GALNT1: variants seen among roughly 807,000 people sequenced by gnomAD.
The protein encoded by GALNT1 is polypeptide N-acetylgalactosaminyltransferase 1, also known as GalNAc transferase 1.
A neutral mutation model predicts 65.7 loss-of-function variants in GALNT1; 17 were observed. The ratio of observed to expected loss-of-function variants is 0.26; its 90% CI spans 0.18 to 0.39. The LOEUF (loss-of-function observed/expected upper bound fraction) is 0.39. GALNT1 is among the 10% of genes least tolerant of loss of function. GALNT1 has a pLI of 1.00. For missense variants in GALNT1, 460 were observed against 672.8 expected, an observed-to-expected ratio of 0.68 and a Z score of 3.50; for synonymous variants, 210 against 219.7, an observed-to-expected ratio of 0.96 and a Z score of 0.39.
At chr18:35,651,961 A>C (rs931514368) in intron 1 of GALNT1, among the ~76,000 whole-genome samples, 1 of 152,086 alleles carries the variant, frequency 6.6e-6, no homozygotes, top group South Asian at 2.1e-4. Flanking sequence ...TTTGATGACA[A>C]TTGCAAACAT....
Position 35,703,537 on chromosome 18 carries a change from T to G in GALNT1, c.1427T>G (p.Ile476Ser). The part of the protein sequence containing the change: ...QVFSYTANKE[I>S]RTDDLCLDVS... ...TTCTCTTATACTGCCAACAAAGAAATTAGAACAGATGACCTTTGCTTGGAT... is the reference window on the plus strand; with the variant it reads ...TTCTCTTATACTGCCAACAAAGAAAGTAGAACAGATGACCTTTGCTTGGAT... Residue 476 changes from isoleucine to serine, a missense_variant, in exon 11 of 12, where the codon ATT becomes AGT. Transcript: ENST00000269195. 6.2e-7 allele frequency: 1 copy of G among 1,613,926 alleles called. No individual in the cohort carries two copies. Among genetic ancestry groups the G allele is most frequent in the Non-Finnish European group, 8.5e-7 (1 of 1,179,866 alleles).
In GALNT1 at chr18:35,687,166, T is replaced by C. The variant is rs1296773143; in HGVS notation, c.840T>C (p.Gly280=). The change falls in exon 6 of 12, where the codon GGT becomes GGC. Residue 280 remains glycine, a synonymous_variant. Coordinates refer to ENST00000269195, the MANE Select transcript of GALNT1 (RefSeq NM_020474.4). ...VPQREMDRRK[G]DRTLPVRTPT... The stretch of plus-strand genomic sequence containing the variant: ...AAAGAGAAATGGACAGAAGGAAAGG[T>C]GATCGGACTCTTCCTGTCAGGTAAT... The C allele has an allele frequency of 1.2e-6, 2 of 1,613,148 alleles. No individual in the cohort carries two copies. The highest frequency in any genetic ancestry group is 1.7e-6 in the Non-Finnish European group (2 of 1,179,642).
intron 4 of GALNT1, 45 bp downstream of exon 4, chr18:35,677,802 C>A: frequency 7.0e-7 from 1 of 1,423,734 alleles, no homozygotes; most frequent in South Asian, 1.3e-5. Context: ...CACCTTTTGT[C>A]ACTAACGGTT....
intron 1 of GALNT1, among the ~76,000 whole-genome samples, chr18:35,647,818 G>T (rs997187063): frequency 6.6e-6 from 1 of 151,990 alleles, no homozygotes; most frequent in Non-Finnish European, 1.5e-5. Flanking sequence ...AAATATGAGG[G>T]GTAGGAGAAA....
chr18:35,678,884 T>A (rs1469423444), intron 4 of GALNT1, among the ~76,000 whole-genome samples: 1 of 152,212 alleles, frequency 6.6e-6, no homozygotes, highest in Non-Finnish European at 1.5e-5. Context: ...TTTGGAGTAA[T>A]TAATACAATA....
intron 1 of GALNT1, among the ~76,000 whole-genome samples, chr18:35,584,506 A>G: frequency 6.6e-6 from 1 of 152,094 alleles, no homozygotes; most frequent in East Asian, 1.9e-4. Flanking sequence ...ATAATGGAGG[A>G]AGAGGAGTGC....
At chr18:35,614,026 T>C (rs557734895) in intron 1 of GALNT1, among the ~76,000 whole-genome samples, 3 of 152,166 alleles carry the variant, frequency 2.0e-5, no homozygotes, top group Non-Finnish European at 2.9e-5. Flanking sequence ...GCATTCACAA[T>C]TTAAAAAACC....
Position 35,654,788 on chromosome 18 carries a change from T to C in GALNT1, c.126T>C (p.Leu42=), listed in dbSNP as rs2047358940. 3.2e-6 allele frequency: 5 copies of C among 1,553,786 alleles called. No individual in the cohort carries two copies. The highest frequency in any genetic ancestry group is 1.4e-5 in the African/African-American group (1 of 72,744). ...NKCDEKKERG[L]PAGDVLEPVQ... is the part of the protein sequence containing the mutation. Reference sequence around the variant, plus strand: ...GTGATGAAAAAAAGGAGAGAGGACTTCCTGCTGGAGATGGTGAGTGACATT... The same window carrying C: ...GTGATGAAAAAAAGGAGAGAGGACTCCCTGCTGGAGATGGTGAGTGACATT... The change falls in exon 2 of 12, where the codon CTT becomes CTC. Residue 42 remains leucine (L), a synonymous_variant. Coordinates refer to ENST00000269195, the MANE Select transcript of GALNT1 (RefSeq NM_020474.4).
intron 1 of GALNT1, among the ~76,000 whole-genome samples, chr18:35,617,818 A>T (rs1435336482): frequency 6.6e-6 from 1 of 152,154 alleles, no homozygotes; most frequent in African/African-American, 2.4e-5. Context: ...TGATTTGTAG[A>T]TTCAAAACTC....
chr18:35,594,882 T>A (rs2046486595), intron 1 of GALNT1, among the ~76,000 whole-genome samples: 1 of 152,130 alleles, frequency 6.6e-6, no homozygotes, highest in Admixed American at 6.5e-5. Context: ...AGGTTGGTGT[T>A]GAGACTCGAG....
rs1380674434 is a variant in GALNT1, at chr18:35,687,178, T to G, written c.852T>G (p.Leu284=). The change falls in exon 6 of 12, where the codon CTT becomes CTG. Residue 284 remains leucine, a synonymous_variant. Coordinates refer to ENST00000269195, the MANE Select transcript of GALNT1 (RefSeq NM_020474.4). Reference sequence around the variant, plus strand: ...ACAGAAGGAAAGGTGATCGGACTCTTCCTGTCAGGTAATTAATTTGTCAGA... The same window carrying G: ...ACAGAAGGAAAGGTGATCGGACTCTGCCTGTCAGGTAATTAATTTGTCAGA... ...EMDRRKGDRT[L]PVRTPTMAGG... 1 of 1,611,688 alleles carries G rather than the reference T, an allele frequency of 6.2e-7. No homozygotes were observed.
intron 1 of GALNT1, among the ~76,000 whole-genome samples, chr18:35,637,706 T>A (rs1428997124): frequency 6.6e-6 from 1 of 152,192 alleles, no homozygotes; most frequent in Non-Finnish European, 1.5e-5. Flanking sequence ...AAAAACAGAT[T>A]TGCAATGCAG....
intron 3 of GALNT1, among the ~76,000 whole-genome samples, chr18:35,674,106 T>C (rs536119867): frequency 6.6e-6 from 1 of 152,278 alleles, no homozygotes; most frequent in Admixed American, 6.5e-5. Context: ...ATTGTACACC[T>C]GTATAGGGCA....
intron 6 of GALNT1, 142 bp downstream of exon 6, chr18:35,687,328 CAT>C (rs2047884038): frequency 2.9e-6 from 2 of 697,378 alleles, no homozygotes; most frequent in East Asian, 6.1e-5. Flanking sequence ...CCATCTTTCA[CAT>C]ATGTGAGTGT....
At chr18:35,603,282 G>C (rs1178407441) in intron 1 of GALNT1, among the ~76,000 whole-genome samples, 1 of 152,140 alleles carries the variant, frequency 6.6e-6, no homozygotes, top group Non-Finnish European at 1.5e-5. Context: ...AATTTTCCAT[G>C]TGCAGTGCCT....
intron 1 of GALNT1, among the ~76,000 whole-genome samples, chr18:35,624,358 G>C (rs1031045316): frequency 5.3e-5 from 8 of 152,120 alleles, no homozygotes; most frequent in African/African-American, 1.7e-4. Flanking sequence ...GGTAACTGCT[G>C]TTATTTGTGA....
chr18:35,669,231 A>AGACT (rs1555648384), intron 3 of GALNT1, among the ~76,000 whole-genome samples: 1 of 152,152 alleles, frequency 6.6e-6, no homozygotes, highest in African/African-American at 2.4e-5. Context: ...ACAGAGAGAG[A>AGACT]CCATCTCGAA....
At chr18:35,707,077 A>AGT (rs1429781673) in intron 11 of GALNT1, among the ~76,000 whole-genome samples, 1 of 152,160 alleles carries the variant, frequency 6.6e-6, no homozygotes, top group Non-Finnish European at 1.5e-5. Context: ...TTCTTTGCAC[A>AGT]GTACCACGCT....
intron 1 of GALNT1, among the ~76,000 whole-genome samples, chr18:35,634,189 A>G (rs545401377): frequency 2.6e-5 from 4 of 152,282 alleles, no homozygotes; most frequent in East Asian, 1.9e-4. Context: ...GTTTAGTGCA[A>G]TGGGGCTATA....
Sources: allele counts gnomAD v4.1 joint callset (sites outside exome capture counted in the v4.1 genomes callset), GRCh38; gene constraint gnomAD v4.1.1; transcripts MANE v1.5; gene names NCBI Gene and HGNC (gene_info 2026-07-23, HGNC 2026-07-21).